The following SAMD3 variants were observed in gnomAD, a reference collection of about 807,000 sequenced individuals.
SAMD3 encodes the protein sterile alpha motif domain-containing protein 3.
Under a neutral mutation model 58.5 loss-of-function variants are expected in SAMD3, and 63 were observed. That is an observed-to-expected ratio of 1.08 (90% confidence interval 0.88 to 1.33). The LOEUF (loss-of-function observed/expected upper bound fraction) is 1.33, where lower values mean the gene tolerates loss of function less well. Among genes scored for constraint, SAMD3 ranks in the 40% most tolerant of loss-of-function variants. The pLI, the probability that SAMD3 is intolerant of heterozygous loss-of-function variation, is 0.00. For synonymous variants in SAMD3, 220 were observed against 210.3 expected (o/e 1.05, Z -0.40); for missense variants, 604 against 608.4 (o/e 0.99, Z 0.08).
intron 8 of SAMD3, among the ~76,000 whole-genome samples, chr6:130,168,117 G>A (rs754240020): frequency 6.6e-6 from 1 of 152,148 alleles, no homozygotes; most frequent in Non-Finnish European, 1.5e-5. Flanking sequence ...GTCTACCTGT[G>A]GAAGCCCATG....
intron 4 of SAMD3, among the ~76,000 whole-genome samples, chr6:130,210,086 G>C (rs1366838905): frequency 6.6e-6 from 1 of 152,132 alleles, no homozygotes; most frequent in East Asian, 1.9e-4. Flanking sequence ...CTGAAGCCTA[G>C]AAGGCAGAGC....
intron 1 of SAMD3, among the ~76,000 whole-genome samples, chr6:130,354,954 C>T (rs1379148799): frequency 6.6e-6 from 1 of 152,118 alleles, no homozygotes; most frequent in Non-Finnish European, 1.5e-5. Flanking sequence ...ATTCCAGAGC[C>T]ACACTCCCCT....
At chr6:130,283,629 T>G (rs1775060850) in intron 2 of SAMD3, among the ~76,000 whole-genome samples, 1 of 152,214 alleles carries the variant, frequency 6.6e-6, no homozygotes, top group Admixed American at 6.5e-5. Context: ...AGAAAATAAT[T>G]GTTAATCTAG....
chr6:130,217,697 C>T (rs1421959166), intron 1 of SAMD3, among the ~76,000 whole-genome samples: 2 of 152,160 alleles, frequency 1.3e-5, no homozygotes, highest in East Asian at 3.9e-4. Flanking sequence ...TCATATAAAA[C>T]ATACAAAACA....
At chr6:130,302,628 G>T (rs1280376605) in intron 2 of SAMD3, among the ~76,000 whole-genome samples, 5 of 152,098 alleles carry the variant, frequency 3.3e-5, no homozygotes, top group African/African-American at 7.2e-5. Context: ...ACCTGCACTT[G>T]TATGTTTATC....
intron 2 of SAMD3, chr6:130,215,766 AACTGGTTAACCCCTTAGTAG>A (rs773308184): frequency 1.2e-4 from 178 of 1,517,778 alleles, no homozygotes; most frequent in Non-Finnish European, 1.5e-4. Context: ...ATACTTAGTA[AACTGGTTAACCCCTTAGTAG>A]ACTGGTTAAC....
At chr6:130,266,795 G>T (rs1219993538) in intron 2 of SAMD3, among the ~76,000 whole-genome samples, 1 of 152,150 alleles carries the variant, frequency 6.6e-6, no homozygotes, top group Non-Finnish European at 1.5e-5. Flanking sequence ...AGGCTTCCCT[G>T]CCTATGCTTC....
intron 9 of SAMD3, among the ~76,000 whole-genome samples, chr6:130,149,823 A>G (rs927646343): frequency 1.3e-5 from 2 of 152,204 alleles, no homozygotes; most frequent in African/African-American, 4.8e-5. Context: ...CATGCAATCT[A>G]CTTATATAAC....
intron 1 of SAMD3, among the ~76,000 whole-genome samples, chr6:130,221,014 C>T (rs1029271275): frequency 1.3e-5 from 2 of 152,120 alleles, no homozygotes; most frequent in African/African-American, 2.4e-5. Context: ...CCACCACGCC[C>T]AGCTAATTTT....
chr6:130,223,386 C>T (rs910043467), upstream of SAMD3, among the ~76,000 whole-genome samples: 5 of 152,094 alleles, frequency 3.3e-5, no homozygotes, highest in African/African-American at 7.2e-5. Context: ...TCAGTGTGTA[C>T]GTGATAGTGC....
At chr6:130,359,805 C>T (rs1486594211) in intron 1 of SAMD3, among the ~76,000 whole-genome samples, 1 of 152,192 alleles carries the variant, frequency 6.6e-6, no homozygotes, top group South Asian at 2.1e-4. Flanking sequence ...AAGGCTGTTT[C>T]CTTAGGTGTG....
chr6:130,358,205 T>G (rs898011255), intron 1 of SAMD3, among the ~76,000 whole-genome samples: 1 of 152,220 alleles, frequency 6.6e-6, no homozygotes, highest in Non-Finnish European at 1.5e-5. Context: ...CTTGCCTTTT[T>G]CTGTGTTTTG....
At chr6:130,282,671 G>A (rs1397661272) in intron 2 of SAMD3, among the ~76,000 whole-genome samples, 1 of 152,000 alleles carries the variant, frequency 6.6e-6, no homozygotes. Flanking sequence ...CTACTCACTG[G>A]TACAGAGAAG....
chr6:130,322,640 AAAACC>A (rs1309025243), intron 1 of SAMD3, among the ~76,000 whole-genome samples: 1 of 152,216 alleles, frequency 6.6e-6, no homozygotes, highest in Non-Finnish European at 1.5e-5. Context: ...ACTGTCTCAA[AAAACC>A]AAACCAAACC....
intron 2 of SAMD3, among the ~76,000 whole-genome samples, chr6:130,294,906 CTGATTT>C (rs1562505066): frequency 5.5e-5 from 5 of 90,708 alleles, no homozygotes; most frequent in African/African-American, 1.9e-4. Context: ...ATACATTTCT[CTGATTT>C]TTTTTTTTTT....
chr6:130,161,611 G>A (rs965478626), intron 8 of SAMD3: 4 of 152,108 alleles, frequency 2.6e-5, no homozygotes, highest in South Asian at 4.1e-4. Flanking sequence ...TTTACATATT[G>A]TTAGATTTAT....
intron 8 of SAMD3, among the ~76,000 whole-genome samples, chr6:130,170,818 T>C (rs2184502): frequency 0.89 from 136,108 of 152,274 alleles, 60,979 homozygotes; most frequent in East Asian, 0.98. Flanking sequence ...GCTGAAGTTG[T>C]TTATCAGCTT....
At chr6:130,245,871 C>T (rs539186426) in intron 2 of SAMD3, among the ~76,000 whole-genome samples, 4 of 152,104 alleles carry the variant, frequency 2.6e-5, no homozygotes, top group Admixed American at 2.6e-4. Flanking sequence ...TGTGGCAAAT[C>T]ATGCGTGTGT....
At chr6:130,212,062 T>G (rs574124652) in intron 4 of SAMD3, among the ~76,000 whole-genome samples, 4 of 151,728 alleles carry the variant, frequency 2.6e-5, no homozygotes, top group African/African-American at 9.7e-5. Flanking sequence ...GGGGTTAAAA[T>G]CAGATGTCTT....
Sources: gnomAD v4.1 joint callset for allele counts (sites outside exome capture counted in the v4.1 genomes callset) on GRCh38, gnomAD v4.1.1 for gene constraint, MANE v1.5 for transcripts, NCBI Gene and HGNC (gene_info 2026-07-23, HGNC 2026-07-21) for gene names.